Variants in NCOA2 observed in about 807,000 individuals in gnomAD.
The protein encoded by NCOA2 is class E basic helix-loop-helix protein 75.
A neutral mutation model predicts 145.1 loss-of-function variants in NCOA2; 21 were observed. That is an observed-to-expected ratio of 0.14 (90% CI 0.10 to 0.21). The LOEUF is 0.21. NCOA2 is among the 10% of genes least tolerant of loss of function. NCOA2 has a pLI of 1.00. For synonymous variants in NCOA2, 619 were observed against 637.5 expected (o/e 0.97, Z 0.44); for missense variants, 1,472 against 1,837.6 (o/e 0.80, Z 3.64).
chr8:70,325,153 A>G (rs1445741791), intron 1 of NCOA2, among the ~76,000 whole-genome samples: 4 of 152,154 alleles, frequency 2.6e-5, no homozygotes, highest in South Asian at 2.1e-4. Flanking sequence ...TGCTGTTTCC[A>G]TTGTTTCACT....
At chr8:70,357,537 C>G (rs1022519001) in intron 1 of NCOA2, 1 of 152,026 alleles carries the variant, frequency 6.6e-6, no homozygotes, top group African/African-American at 2.4e-5. Flanking sequence ...GTCAGGAGAT[C>G]GAGACCATCC....
At chr8:70,417,245 TAAAAAAAAAAAA>T in the NCOA2 span, among the ~76,000 whole-genome samples, 3 of 78,044 alleles carry the variant, frequency 3.8e-5, no homozygotes, top group Non-Finnish European at 6.2e-5. Flanking sequence ...TCGTCTCTAT[TAAAAAAAAAAAA>T]AAAAAAAAAG....
chr8:70,306,885 A>G (rs1227049750), intron 1 of NCOA2, among the ~76,000 whole-genome samples: 5 of 152,164 alleles, frequency 3.3e-5, no homozygotes, highest in Non-Finnish European at 7.3e-5. Context: ...TCTCTTAAAA[A>G]TCCATTTTAC....
chr8:70,317,829 G>A (rs1805729622), intron 1 of NCOA2, among the ~76,000 whole-genome samples: 2 of 152,016 alleles, frequency 1.3e-5, no homozygotes, highest in African/African-American at 4.8e-5. Flanking sequence ...GGAGGCCAAG[G>A]CAGGAGGACT....
At chr8:70,176,643 A>G (rs1422077085) in intron 4 of NCOA2, among the ~76,000 whole-genome samples, 2 of 152,176 alleles carry the variant, frequency 1.3e-5, no homozygotes, top group Non-Finnish European at 2.9e-5. Flanking sequence ...GCACTGGGGC[A>G]TACTTTTTAA....
intron 2 of NCOA2, among the ~76,000 whole-genome samples, chr8:70,287,883 T>C (rs897741091): frequency 6.6e-6 from 1 of 152,198 alleles, no homozygotes; most frequent in Non-Finnish European, 1.5e-5. Flanking sequence ...CCTGAAACTT[T>C]ATTTTGAAAA....
intron 1 of NCOA2, among the ~76,000 whole-genome samples, chr8:70,323,208 A>T (rs374139673): frequency 6.6e-6 from 1 of 152,240 alleles, no homozygotes; most frequent in South Asian, 2.1e-4. Context: ...TTGCATTCAC[A>T]TCAATAATCA....
intron 2 of NCOA2, among the ~76,000 whole-genome samples, chr8:70,282,492 C>G (rs1021390252): frequency 2.6e-5 from 4 of 152,212 alleles, no homozygotes; most frequent in East Asian, 1.9e-4. Context: ...TCAAGACCAG[C>G]CTGGTCAACA....
chr8:70,200,056 T>C (rs891104813), intron 4 of NCOA2, among the ~76,000 whole-genome samples: 1 of 152,200 alleles, frequency 6.6e-6, no homozygotes, highest in Admixed American at 6.5e-5. Flanking sequence ...CAACTATGTA[T>C]ATAGCATTTA....
intron 4 of NCOA2, among the ~76,000 whole-genome samples, chr8:70,210,473 GCT>G (rs1387690945): frequency 1.3e-5 from 2 of 152,096 alleles, no homozygotes; most frequent in Non-Finnish European, 2.9e-5. Flanking sequence ...GTGTGTACTT[GCT>G]CTGTTTCTAC....
intron 22 of NCOA2, among the ~76,000 whole-genome samples, chr8:70,116,466 G>A (rs1456830311): frequency 2.0e-5 from 3 of 151,826 alleles, no homozygotes; most frequent in Non-Finnish European, 2.9e-5. Context: ...CAGGAGATTC[G>A]CTTGAACCTG....
At chr8:70,305,091 G>C (rs550796381) in intron 1 of NCOA2, among the ~76,000 whole-genome samples, 1 of 137,482 alleles carries the variant, frequency 7.3e-6, no homozygotes, top group Non-Finnish European at 1.5e-5. Flanking sequence ...TTGCTATGTC[G>C]CTCAGGCTGG....
At chr8:70,433,292 G>T in the NCOA2 span, among the ~76,000 whole-genome samples, 1 of 152,008 alleles carries the variant, frequency 6.6e-6, no homozygotes, top group Non-Finnish European at 1.5e-5. Context: ...GCACTGTAGG[G>T]GTGATAGCAA....
chr8:70,187,418 C>T (rs1439352440), intron 4 of NCOA2, among the ~76,000 whole-genome samples: 13 of 152,128 alleles, frequency 8.5e-5, no homozygotes, highest in Admixed American at 3.3e-4. Context: ...GATTTTATAT[C>T]GGTTACGTGC....
intron 2 of NCOA2, among the ~76,000 whole-genome samples, chr8:70,271,719 C>A (rs960099267): frequency 1.3e-5 from 2 of 152,208 alleles, no homozygotes; most frequent in African/African-American, 2.4e-5. Flanking sequence ...AGGTCCTGCA[C>A]GACTGAGATA....
chr8:70,275,643 T>A (rs1485046297), intron 2 of NCOA2, among the ~76,000 whole-genome samples: 2 of 151,800 alleles, frequency 1.3e-5, no homozygotes, highest in African/African-American at 2.4e-5. Context: ...ATGAAAAAAA[T>A]TTTGAATTAA....
intron 1 of NCOA2, among the ~76,000 whole-genome samples, chr8:70,349,199 A>G (rs927157640): frequency 6.6e-6 from 1 of 152,188 alleles, no homozygotes; most frequent in Non-Finnish European, 1.5e-5. Context: ...TGTGACGTCA[A>G]GAAAATCAAG....
rs571412940 is a variant in NCOA2 at position 70,191,997 on chromosome 8, G to A, written c.260-17138C>T. Reference sequence around the variant, plus strand: ...GCAGAGGCTGCAGTGAGCTGAGATCGTGCCACTGCACTCCAGCCTGGGCGA... The same window carrying A: ...GCAGAGGCTGCAGTGAGCTGAGATCATGCCACTGCACTCCAGCCTGGGCGA... On this transcript the variant is annotated intron_variant, in intron 4 of 22. Coordinates refer to ENST00000452400, the MANE Select transcript of NCOA2 (RefSeq NM_006540.4). 3.9e-5 allele frequency among the ~76,000 whole-genome samples: 6 copies of A among 152,238 alleles called. No individual in the cohort carries two copies. In the South Asian group the frequency reaches 1.0e-3, roughly 26 times the overall value.
At chr8:70,373,410 G>A (rs374380655) in intron 1 of NCOA2, among the ~76,000 whole-genome samples, 20 of 152,078 alleles carry the variant, frequency 1.3e-4, no homozygotes, top group Non-Finnish European at 2.4e-4. Flanking sequence ...TTTAAAAATC[G>A]GGTTGATTTA....
Sources: gnomAD v4.1 joint callset for allele counts (sites outside exome capture counted in the v4.1 genomes callset) on GRCh38, gnomAD v4.1.1 for gene constraint, MANE v1.5 for transcripts, NCBI Gene and HGNC (gene_info 2026-07-23, HGNC 2026-07-21) for gene names.